The following SLC9C1 variants were observed in gnomAD, a reference collection of about 807,000 sequenced individuals.
SLC9C1 encodes the protein solute carrier family 9 member C1.
A neutral mutation model predicts 140.9 loss-of-function variants in SLC9C1; 97 were observed. The ratio of observed to expected loss-of-function variants is 0.69; its 90% CI spans 0.58 to 0.82. The LOEUF is 0.82. SLC9C1 is among the 40% of genes least tolerant of loss of function. The pLI, the probability that SLC9C1 is intolerant of heterozygous loss-of-function variation, is 0.00. For synonymous variants in SLC9C1, 440 were observed against 442.6 expected (o/e 0.99, Z 0.07); for missense variants, 1,340 against 1,389.3 (o/e 0.96, Z 0.56).
intron 12 of SLC9C1, among the ~76,000 whole-genome samples, chr3:112,235,038 A>G (rs1171832102): frequency 6.6e-6 from 1 of 151,272 alleles, no homozygotes; most frequent in African/African-American, 2.4e-5. Flanking sequence ...CTTGATGGGG[A>G]TGGCATTGAA....
At chr3:112,176,699 C>T (rs1417516521) in intron 23 of SLC9C1, among the ~76,000 whole-genome samples, 1 of 152,146 alleles carries the variant, frequency 6.6e-6, no homozygotes, top group Admixed American at 6.6e-5. Flanking sequence ...CATTTACTAT[C>T]TGATCACACT....
intron 28 of SLC9C1, among the ~76,000 whole-genome samples, chr3:112,145,589 CTT>C (rs61547345): frequency 2.1e-4 from 6 of 28,240 alleles, no homozygotes; most frequent in African/African-American, 6.0e-4. Flanking sequence ...CTGCCCTTGG[CTT>C]TTTTTTTTTT....
chr3:112,154,277 TA>T (rs1253132421), intron 27 of SLC9C1, among the ~76,000 whole-genome samples: 2 of 152,184 alleles, frequency 1.3e-5, no homozygotes, highest in African/African-American at 4.8e-5. Context: ...AGACTAAAAC[TA>T]AAAATGAACT....
intron 13 of SLC9C1, among the ~76,000 whole-genome samples, chr3:112,230,695 G>A (rs2078797166): frequency 6.6e-6 from 1 of 152,138 alleles, no homozygotes; most frequent in African/African-American, 2.4e-5. Flanking sequence ...GCTGAGAAGT[G>A]TTCAACAGCT....
At chr3:112,217,912 C>G (rs780301629) in intron 14 of SLC9C1, among the ~76,000 whole-genome samples, 2 of 152,142 alleles carry the variant, frequency 1.3e-5, no homozygotes, top group Non-Finnish European at 2.9e-5. Flanking sequence ...GACAAATTAC[C>G]TCATTAACTT....
chr3:112,195,537 A>G (rs1045243344), intron 20 of SLC9C1, among the ~76,000 whole-genome samples: 7 of 151,910 alleles, frequency 4.6e-5, no homozygotes, highest in African/African-American at 1.4e-4. Context: ...TTGTTGTCCT[A>G]TATTATTGTC....
chr3:112,149,529 A>T (rs968868047), intron 28 of SLC9C1, among the ~76,000 whole-genome samples: 1 of 152,004 alleles, frequency 6.6e-6, no homozygotes, highest in Non-Finnish European at 1.5e-5. Flanking sequence ...TGAACCAGGC[A>T]AATGGGTGCC....
At chr3:112,232,395 A>C (rs1011396269) in intron 12 of SLC9C1, among the ~76,000 whole-genome samples, 1 of 152,206 alleles carries the variant, frequency 6.6e-6, no homozygotes, top group Non-Finnish European at 1.5e-5. Context: ...TGATGCAGAC[A>C]AGTCAGCAAA....
At chr3:112,148,649 T>C (rs2074872218) in intron 28 of SLC9C1, among the ~76,000 whole-genome samples, 1 of 152,148 alleles carries the variant, frequency 6.6e-6, no homozygotes, top group Non-Finnish European at 1.5e-5. Flanking sequence ...CTGTAGCCAA[T>C]GTGTTTAGGT....
intron 1 of SLC9C1, among the ~76,000 whole-genome samples, chr3:112,288,634 G>C (rs1271730706): frequency 6.6e-6 from 1 of 152,132 alleles, no homozygotes; most frequent in Non-Finnish European, 1.5e-5. Context: ...CTCGCCTATG[G>C]TCCTAGCTAC....
chr3:112,200,192 G>A (rs2077872095), intron 19 of SLC9C1, among the ~76,000 whole-genome samples: 1 of 151,998 alleles, frequency 6.6e-6, no homozygotes, highest in Non-Finnish European at 1.5e-5. Flanking sequence ...CTTAAGATTT[G>A]TCCTGCACCA....
intron 7 of SLC9C1, among the ~76,000 whole-genome samples, chr3:112,269,013 T>C (rs1576487701): frequency 6.6e-6 from 1 of 152,242 alleles, no homozygotes; most frequent in African/African-American, 2.4e-5. Context: ...TGATAGATAC[T>C]CTAACATTTA....
chr3:112,191,013 C>G (rs1478269591), intron 20 of SLC9C1, among the ~76,000 whole-genome samples: 1 of 150,544 alleles, frequency 6.6e-6, no homozygotes, highest in African/African-American at 2.4e-5. Flanking sequence ...TTCCTCACAT[C>G]AAGAATATAG....
At chr3:112,191,129 A>G (rs1293268204) in intron 20 of SLC9C1, among the ~76,000 whole-genome samples, 1 of 152,128 alleles carries the variant, frequency 6.6e-6, no homozygotes, top group Non-Finnish European at 1.5e-5. Flanking sequence ...TTTTCTCTAT[A>G]TGAGATCATG....
intron 12 of SLC9C1, among the ~76,000 whole-genome samples, chr3:112,231,923 A>G (rs2078840739): frequency 6.6e-6 from 1 of 152,122 alleles, no homozygotes; most frequent in South Asian, 2.1e-4. Flanking sequence ...CCCATTTGAA[A>G]ATTTTGCTGC....
intron 10 of SLC9C1, among the ~76,000 whole-genome samples, chr3:112,260,015 A>G (rs1324018149): frequency 6.6e-6 from 1 of 152,030 alleles, no homozygotes; most frequent in African/African-American, 2.4e-5. Context: ...ATTGGATCCT[A>G]TTTGTCAATG....
chr3:112,143,858 T>G (rs1029702377), intron 28 of SLC9C1, among the ~76,000 whole-genome samples: 2 of 152,186 alleles, frequency 1.3e-5, no homozygotes, highest in African/African-American at 2.4e-5. Context: ...AGGATTCTTA[T>G]GGTTTGAGGT....
At chr3:112,244,110 T>C (rs903765028) in intron 10 of SLC9C1, 34 bp from the exon 11 acceptor site, 4 of 1,381,670 alleles carry the variant, frequency 2.9e-6, no homozygotes, top group Admixed American at 1.9e-5. Flanking sequence ...TAAGTATTCA[T>C]GACAATTTCA....
chr3:112,142,325 A>G, intron 28 of SLC9C1, among the ~76,000 whole-genome samples: 1 of 152,118 alleles, frequency 6.6e-6, no homozygotes, highest in East Asian at 1.9e-4. Flanking sequence ...TATTTTCTCC[A>G]TTGTTAGGTA....
Sources: gnomAD v4.1 joint callset for allele counts (sites outside exome capture counted in the v4.1 genomes callset) on GRCh38, gnomAD v4.1.1 for gene constraint, MANE v1.5 for transcripts, NCBI Gene and HGNC (gene_info 2026-07-23, HGNC 2026-07-21) for gene names.